SLFN12: variants seen among roughly 807,000 people sequenced by gnomAD.
SLFN12 encodes the protein ribonuclease SLFN12.
A neutral mutation model predicts 29.1 loss-of-function variants in SLFN12; 25 were observed. That is an observed-to-expected ratio of 0.86 (90% CI 0.63 to 1.20). The LOEUF (loss-of-function observed/expected upper bound fraction) is 1.20. Ranked by LOEUF, SLFN12 falls within the 50% of genes most tolerant of loss-of-function variation. SLFN12 has a pLI of 0.00. For missense variants in SLFN12, 660 were observed against 666.2 expected (o/e 0.99, Z 0.10); for synonymous variants, 257 against 238.7 (o/e 1.08, Z -0.71).
intron 3 of SLFN12, among the ~76,000 whole-genome samples, chr17:35,415,314 TAGA>T (rs371338445): frequency 1.1e-4 from 17 of 152,128 alleles, no homozygotes; most frequent in African/African-American, 3.9e-4. Flanking sequence ...AAGCCACATG[TAGA>T]AGAATAAAAC....
intron 1 of SLFN12, among the ~76,000 whole-genome samples, chr17:35,431,349 C>T (rs1912306554): frequency 6.6e-6 from 1 of 152,128 alleles, no homozygotes; most frequent in Admixed American, 6.5e-5. Flanking sequence ...CACTTTAACC[C>T]GACACAACCC....
chr17:35,426,338 C>T (rs188836586), intron 1 of SLFN12, among the ~76,000 whole-genome samples: 7 of 152,068 alleles, frequency 4.6e-5, no homozygotes, highest in Admixed American at 3.3e-4. Flanking sequence ...ATTGCCTGTC[C>T]GCCATTGGGA....
At chr17:35,418,576 C>T (rs1479004141) in intron 3 of SLFN12, among the ~76,000 whole-genome samples, 1 of 152,056 alleles carries the variant, frequency 6.6e-6, no homozygotes, top group East Asian at 1.9e-4. Flanking sequence ...ATGATACACA[C>T]AAAATATGTG....
At chr17:35,427,857 G>A (rs1175903748) in intron 1 of SLFN12, among the ~76,000 whole-genome samples, 1 of 151,958 alleles carries the variant, frequency 6.6e-6, no homozygotes, top group African/African-American at 2.4e-5. Context: ...AATTTTCATT[G>A]AGTCTAAGAG....
At position 35,411,641 on chromosome 17, in the gene SLFN12, C is replaced by T. The variant is rs748481321; in HGVS notation, c.1434G>A (p.Lys478=). The T allele has an allele frequency of 4.3e-6, 7 of 1,613,920 alleles. No individual in the cohort carries two copies. The South Asian group carries it at 6.6e-5, about 15-fold the overall frequency. The part of the protein sequence containing the change: ...GYSTQTALTL[K]QKLAKIGGYT... Reference sequence around the variant, plus strand: ...AACCACCAATTTTTGCCAGCTTCTGCTTTAAGGTTAGGGCAGTTTGTGTAG... The same window carrying T: ...AACCACCAATTTTTGCCAGCTTCTGTTTTAAGGTTAGGGCAGTTTGTGTAG... The change falls in exon 4 of 4, where the codon AAG becomes AAA. Residue 478 remains lysine (K), a synonymous_variant. Transcript: ENST00000304905.
chr17:35,417,279 AC>A (rs1911370166), intron 3 of SLFN12, among the ~76,000 whole-genome samples: 1 of 152,164 alleles, frequency 6.6e-6, no homozygotes, highest in African/African-American at 2.4e-5. Flanking sequence ...TTGCCAATCA[AC>A]ATATTAAAAA....
At chr17:35,417,478 G>A (rs1911380911) in intron 3 of SLFN12, among the ~76,000 whole-genome samples, 1 of 151,900 alleles carries the variant, frequency 6.6e-6, no homozygotes, top group Admixed American at 6.6e-5. Context: ...TTAAGTTCTG[G>A]GGTACATGTG....
At position 35,429,782 on chromosome 17, in the gene SLFN12, C is replaced by T. The variant is rs113544452; in HGVS notation, c.-41+2406G>A. Among the ~76,000 whole-genome samples the T allele has an allele frequency of 5.6e-3, 857 of 152,114 alleles. 9 individuals carry two copies. The highest frequency in any genetic ancestry group is 0.019 in the African/African-American group (790 of 41,536). ...AGGACAGCACTGCTCTCATCCTTCC[C>T]GCCTTCTAGATAATAAACCAGCAGG... On this transcript the variant is annotated intron_variant, in intron 1 of 3. Transcript: ENST00000304905.
chr17:35,427,980 C>T (rs1912105008), intron 1 of SLFN12, among the ~76,000 whole-genome samples: 1 of 151,882 alleles, frequency 6.6e-6, no homozygotes, highest in Non-Finnish European at 1.5e-5. Flanking sequence ...AGCCAGATTT[C>T]AGGATATAAG....
chr17:35,427,343 G>T (rs1311226741), intron 1 of SLFN12, among the ~76,000 whole-genome samples: 1 of 152,098 alleles, frequency 6.6e-6, no homozygotes. Flanking sequence ...CAGAGTTGAA[G>T]CTTCCTAATC....
chr17:35,429,110 A>G (rs1477758785), intron 1 of SLFN12, among the ~76,000 whole-genome samples: 2 of 151,908 alleles, frequency 1.3e-5, no homozygotes, highest in Admixed American at 6.6e-5. Flanking sequence ...CTTTCCTCTT[A>G]GCCCACCTTT....
intron 2 of SLFN12, 77 bp downstream of exon 2, chr17:35,421,913 T>G: frequency 6.6e-7 from 1 of 1,523,968 alleles, no homozygotes. Context: ...CTATTGATCT[T>G]GCCCCAGATC....
chr17:35,421,976 C>G lies in SLFN12; in HGVS notation c.1039+14G>C. On this transcript the variant is annotated intron_variant, in intron 2 of 3. Transcript: ENST00000304905. ...AGCCAAATGCATTCCTGTTGCGAAT[C>G]CCCCGCTCTCAACTTGGTTCAGCCT... 6.2e-7 allele frequency: 1 copy of G among 1,608,052 alleles called. No homozygotes were observed. The highest frequency in any genetic ancestry group is 8.5e-7 in the Non-Finnish European group (1 of 1,175,794).
chr17:35,417,550 A>T (rs1911385343), intron 3 of SLFN12, among the ~76,000 whole-genome samples: 1 of 152,142 alleles, frequency 6.6e-6, no homozygotes, highest in South Asian at 2.1e-4. Flanking sequence ...CTCAATTTAA[A>T]TGGGAAAGCC....
rs777586907 is a variant in SLFN12, at chr17:35,422,923, G to C, written c.106C>G (p.Leu36Val). Residue 36 changes from leucine (L) to valine (V), a missense_variant, in exon 2 of 4, where the codon CTG becomes GTG. Physicochemically the swap from Leu to Val is conservative, Grantham distance 32. Coordinates refer to ENST00000304905, the MANE Select transcript of SLFN12 (RefSeq NM_018042.5). ...NSRKKMKDCK[L>V]RKKQNESVSR... ...ACACTTTCATTCTGCTTTTTTCTCA[G>C]TTTACAATCCTTCATTTTTTTCCTA... The C allele has an allele frequency of 6.2e-7, 1 of 1,613,736 alleles. No individual in the cohort carries two copies. The highest frequency in any genetic ancestry group is 1.3e-5 in the African/African-American group (1 of 74,896).
intron 1 of SLFN12, among the ~76,000 whole-genome samples, chr17:35,425,895 C>T (rs527843983): frequency 3.6e-5 from 4 of 112,174 alleles, no homozygotes; most frequent in South Asian, 3.1e-4. Flanking sequence ...TCCATAATGG[C>T]TAAGCTAGTT....
Position 35,411,343 on chromosome 17 carries a change from T to A in SLFN12, c.1732A>T (p.Thr578Ser), listed in dbSNP as rs763561817. 6 of 1,530,570 alleles carry A rather than the reference T, an allele frequency of 3.9e-6. No individual in the cohort carries two copies. The highest frequency in any genetic ancestry group is 5.3e-6 in the Non-Finnish European group (6 of 1,140,800). The allele number at this position is 1,530,570 out of a possible 1,614,324, so 94.8% of individuals were successfully genotyped here. A position where few individuals can be genotyped will look rare whatever the true frequency, so the allele number is the denominator to read the frequency against. ...GTAGCCCAGTCCATTTTCCATCAGGTGAGCCTTCGACAAGATTTAAACATC... is the reference window on the plus strand; with the variant it reads ...GTAGCCCAGTCCATTTTCCATCAGGAGAGCCTTCGACAAGATTTAAACATC... ...KKMFKSCRRLT is the reference protein window; with the variant it reads ...KKMFKSCRRLS The change falls in exon 4 of 4, where the codon ACC becomes TCC. Residue 578 changes from threonine to serine, a missense_variant. Physicochemically the swap from Thr to Ser is moderately conservative, Grantham distance 58 (BLOSUM62 1). Transcript: ENST00000304905.
Position 35,411,001 on chromosome 17 carries a change from T to C in SLFN12, c.*337A>G. On this transcript the variant is annotated 3_prime_UTR_variant, in exon 4 of 4. Transcript: ENST00000304905. ...GATAATCTTTTGTAAGTTATAATTGTTTTCTAGGTATATGCTGGGAGATTT... is the reference window on the plus strand; with the variant it reads ...GATAATCTTTTGTAAGTTATAATTGCTTTCTAGGTATATGCTGGGAGATTT... 6.1e-6 allele frequency: 1 copy of C among 162,854 alleles called. No individual in the cohort carries two copies. Among genetic ancestry groups the C allele is most frequent in the Non-Finnish European group, 1.3e-5 (1 of 75,634 alleles). The allele number at this position is 162,854 out of a possible 1,614,324, so 10.1% of individuals were successfully genotyped here.
At chr17:35,423,209 A>G (rs1024958589) in intron 1 of SLFN12, 141 bp from the exon 2 acceptor site, 38 of 871,184 alleles carry the variant, frequency 4.4e-5, no homozygotes, top group Non-Finnish European at 5.6e-5. Context: ...GAGACTGGCA[A>G]ATTTTGAGCT....
Sources: allele counts gnomAD v4.1 joint callset (sites outside exome capture counted in the v4.1 genomes callset), GRCh38; gene constraint gnomAD v4.1.1; transcripts MANE v1.5; gene names NCBI Gene and HGNC (gene_info 2026-07-23, HGNC 2026-07-21).